The following ERP44 variants were observed in gnomAD, a reference collection of about 807,000 sequenced individuals.
ERP44 encodes endoplasmic reticulum resident protein 44.
In ERP44, 25 loss-of-function variants were observed where a neutral mutation model predicts 53.4. The observed-to-expected ratio is 0.47, with a 90% CI of 0.34 to 0.65. The LOEUF (loss-of-function observed/expected upper bound fraction) is 0.65. Ranked by LOEUF, ERP44 falls within the 30% of genes least tolerant of loss-of-function variation. The pLI, the probability that ERP44 is intolerant of heterozygous loss-of-function variation, is 0.01. For missense variants in ERP44, 338 were observed against 493.2 expected (o/e 0.69, Z 2.98); for synonymous variants, 145 against 161.2 (o/e 0.90, Z 0.76).
chr9:100,026,860 C>T (rs1830658298), intron 4 of ERP44, among the ~76,000 whole-genome samples: 2 of 152,098 alleles, frequency 1.3e-5, no homozygotes, highest in Admixed American at 1.3e-4. Flanking sequence ...AGCAAAGAAA[C>T]TAGTCTAATA....
intron 4 of ERP44, among the ~76,000 whole-genome samples, chr9:100,027,087 G>A (rs542497437): frequency 6.6e-6 from 1 of 152,284 alleles, no homozygotes; most frequent in South Asian, 2.1e-4. Flanking sequence ...CTAAGCTGAT[G>A]GAGTTTGAAT....
chr9:100,088,441 C>A (rs4517187), intron 1 of ERP44, among the ~76,000 whole-genome samples: 70,630 of 151,974 alleles, frequency 0.46, 17,718 homozygotes, highest in East Asian at 0.9. Flanking sequence ...AACTCCCTCA[C>A]TTGCTTCAAG....
intron 4 of ERP44, among the ~76,000 whole-genome samples, chr9:100,023,502 C>T (rs1305594756): frequency 7.3e-5 from 11 of 150,216 alleles, no homozygotes; most frequent in African/African-American, 1.2e-4. Flanking sequence ...GATCACAGCT[C>T]ACCACGGCCT....
chr9:100,008,334 C>T (rs531949132), intron 8 of ERP44, among the ~76,000 whole-genome samples: 1 of 152,070 alleles, frequency 6.6e-6, no homozygotes, highest in Non-Finnish European at 1.5e-5. Flanking sequence ...TATTTATACA[C>T]ACAGAAAAGC....
In ERP44 at chr9:100,007,564, C is replaced by T. The variant is rs756251376; in HGVS notation, c.874+14G>A. On this transcript the variant is annotated intron_variant, in intron 9 of 11. Transcript: ENST00000262455. Reference sequence around the variant, plus strand: ...AGAAAGAAATGATGAAAATAAACACCTTAATCTGTCTACCTTTTTCACTTA... The same window carrying T: ...AGAAAGAAATGATGAAAATAAACACTTTAATCTGTCTACCTTTTTCACTTA... 2.4e-6 allele frequency: 3 copies of T among 1,225,988 alleles called. No individual in the cohort carries two copies. The highest frequency in any genetic ancestry group is 1.5e-5 in the African/African-American group (1 of 67,484). The allele number at this position is 1,225,988 out of a possible 1,614,324, so 75.9% of individuals were successfully genotyped here.
At chr9:100,083,094 A>G (rs1347321229) in intron 1 of ERP44, among the ~76,000 whole-genome samples, 1 of 152,070 alleles carries the variant, frequency 6.6e-6, no homozygotes, top group Non-Finnish European at 1.5e-5. Context: ...GAGAAAAGAA[A>G]CTGAGAAAAC....
At chr9:100,037,916 AGAAGAGGGTAG>A (rs2118682789) in intron 4 of ERP44, among the ~76,000 whole-genome samples, 1 of 152,310 alleles carries the variant, frequency 6.6e-6, no homozygotes, top group African/African-American at 2.4e-5. Context: ...CTTACGTGCC[AGAAGAGGGTAG>A]CATGATATAT....
intron 4 of ERP44, among the ~76,000 whole-genome samples, chr9:100,046,110 C>T (rs918351260): frequency 1.3e-5 from 2 of 151,422 alleles, no homozygotes; most frequent in African/African-American, 4.9e-5. Context: ...ATAACAGCAC[C>T]CCAAAATAAG....
At chr9:100,029,123 A>G (rs1429391344) in intron 4 of ERP44, among the ~76,000 whole-genome samples, 1 of 152,242 alleles carries the variant, frequency 6.6e-6, no homozygotes, top group African/African-American at 2.4e-5. Flanking sequence ...TGGTCTGTGC[A>G]AAGATTTTTA....
intron 1 of ERP44, among the ~76,000 whole-genome samples, chr9:100,082,297 C>T (rs1826435436): frequency 6.7e-6 from 1 of 148,174 alleles, no homozygotes; most frequent in Non-Finnish European, 1.5e-5. Context: ...AAAATATAAG[C>T]AGAAAACCAC....
rs538610054 is a variant in ERP44 at position 100,093,855 on chromosome 9, G to C, written c.57+4929C>G. ...GATACCATTTCTCACCCATCAGACT[G>C]ACAAATACCCAATAATTTGACATTA... is the stretch of plus-strand genomic sequence containing the variant. On this transcript the variant is annotated intron_variant, in intron 1 of 11. Coordinates refer to ENST00000262455, the MANE Select transcript of ERP44 (RefSeq NM_015051.3). 7.2e-5 allele frequency among the ~76,000 whole-genome samples: 11 copies of C among 152,304 alleles called. No homozygotes were observed. The South Asian group carries it at 2.3e-3, about 32-fold the overall frequency.
chr9:100,060,084 A>C lies in ERP44; in HGVS notation c.130+16T>G. The C allele has an allele frequency of 7.0e-7, 1 of 1,438,290 alleles. No homozygotes were observed. Among genetic ancestry groups the C allele is most frequent in the African/African-American group, 1.5e-5 (1 of 67,352 alleles). 89.1% of individuals were successfully genotyped at this position (1,438,290 alleles called of 1,614,324 possible). A position where few individuals can be genotyped will look rare whatever the true frequency, so the allele number is the denominator to read the frequency against. ...AGAGAAGAAAGAGTACACTTTAAAAATATTGAGGTACTTACTTAAAATTTC... is the reference window on the plus strand; with the variant it reads ...AGAGAAGAAAGAGTACACTTTAAAACTATTGAGGTACTTACTTAAAATTTC... On this transcript the variant is annotated intron_variant, in intron 2 of 11. Coordinates refer to ENST00000262455, the MANE Select transcript of ERP44 (RefSeq NM_015051.3).
rs1415619835 is a variant in ERP44, at chr9:99,980,693, A to T, written c.*1919T>A. The T allele has an allele frequency of 2.0e-5, 3 of 152,184 alleles. No homozygotes were observed. Among genetic ancestry groups the T allele is most frequent in the African/African-American group, 7.2e-5 (3 of 41,450 alleles). The allele number at this position is 152,184 out of a possible 1,614,324, so 9.4% of individuals were successfully genotyped here. On this transcript the variant is annotated 3_prime_UTR_variant, in exon 12 of 12. Transcript: ENST00000262455. ...CTAGGCACTAGTGATACAGACATTAAATTTAGTTTCCTTGTCCTCAGTGAC... is the reference window on the plus strand; with the variant it reads ...CTAGGCACTAGTGATACAGACATTATATTTAGTTTCCTTGTCCTCAGTGAC...
At chr9:100,055,888 C>T (rs1029200745) in intron 3 of ERP44, among the ~76,000 whole-genome samples, 2 of 152,208 alleles carry the variant, frequency 1.3e-5, no homozygotes, top group African/African-American at 4.8e-5. Flanking sequence ...TCCATAACTT[C>T]CAGAATGAAC....
chr9:100,080,238 T>C (rs1008799298), intron 1 of ERP44, among the ~76,000 whole-genome samples: 1 of 152,206 alleles, frequency 6.6e-6, no homozygotes, highest in African/African-American at 2.4e-5. Context: ...AATTGAACGC[T>C]TGCTATGACA....
At chr9:100,059,545 C>T (rs1185573878) in intron 2 of ERP44, among the ~76,000 whole-genome samples, 4 of 152,000 alleles carry the variant, frequency 2.6e-5, no homozygotes, top group African/African-American at 4.8e-5. Flanking sequence ...AAATTAGCTA[C>T]GTGCAGTGGA....
intron 1 of ERP44, among the ~76,000 whole-genome samples, chr9:100,060,748 G>C (rs1210500934): frequency 6.6e-6 from 1 of 152,080 alleles, no homozygotes; most frequent in Non-Finnish European, 1.5e-5. Context: ...CAAAGTTCAA[G>C]TTTATCAAAG....
At chr9:99,985,418 T>A (rs1830186173) in intron 10 of ERP44, among the ~76,000 whole-genome samples, 1 of 152,208 alleles carries the variant, frequency 6.6e-6, no homozygotes, top group Non-Finnish European at 1.5e-5. Flanking sequence ...AAAACTTTGT[T>A]CTGCAACATC....
chr9:100,092,768 G>A lies in ERP44; in HGVS notation c.57+6016C>T, dbSNP rs1004031414. Among the ~76,000 whole-genome samples, 2 of 152,106 alleles carry A rather than the reference G, an allele frequency of 1.3e-5. 1 individual carries two copies. Among genetic ancestry groups the A allele is most frequent in the South Asian group, 4.1e-4 (2 of 4,832 alleles). Reference sequence around the variant, plus strand: ...TAAATATGAAAAAAATTCAACTTTGGTTGTAATCAAAGAAATGTAAATTTA... The same window carrying A: ...TAAATATGAAAAAAATTCAACTTTGATTGTAATCAAAGAAATGTAAATTTA... On this transcript the variant is annotated intron_variant, in intron 1 of 11. Transcript: ENST00000262455.
Sources: gnomAD v4.1 joint callset for allele counts (sites outside exome capture counted in the v4.1 genomes callset) on GRCh38, gnomAD v4.1.1 for gene constraint, MANE v1.5 for transcripts, NCBI Gene and HGNC (gene_info 2026-07-23, HGNC 2026-07-21) for gene names.